The following NRXN1 variants were observed in gnomAD, a reference collection of about 807,000 sequenced individuals.
NRXN1 encodes neurexin 1.
Under a neutral mutation model 150.9 loss-of-function variants are expected in NRXN1, and 39 were observed. The observed-to-expected ratio is 0.26, with a 90% confidence interval of 0.20 to 0.34. The LOEUF is 0.34. NRXN1 is among the 10% of genes least tolerant of loss of function. The pLI is 1.00. For missense variants in NRXN1, 1,815 were observed against 1,949.9 expected (o/e 0.93, Z 1.30); for synonymous variants, 924 against 757.0 (o/e 1.22, Z -3.62).
chr2:50,910,469 T>A (rs1356160616), intron 5 of NRXN1, among the ~76,000 whole-genome samples: 1 of 151,992 alleles, frequency 6.6e-6, no homozygotes, highest in African/African-American at 2.4e-5. Context: ...ACACAGCAGA[T>A]ACATCATGAA....
chr2:50,113,931 G>T lies in NRXN1; in HGVS notation c.3547-22437C>A, dbSNP rs116378304. 7.0e-3 allele frequency among the ~76,000 whole-genome samples: 1,073 copies of T among 152,210 alleles called. 12 individuals are homozygous for T. The highest frequency in any genetic ancestry group is 0.011 in the Non-Finnish European group (737 of 67,986). On this transcript the variant is annotated intron_variant, in intron 18 of 22. Coordinates refer to ENST00000401669, the MANE Select transcript of NRXN1 (RefSeq NM_001330078.2). ...TCTATGTACACAGGAGACTATGTGG[G>T]ATGCTATAGAAGATACAAAACAAAC...
At position 49,987,759 on chromosome 2, in the gene NRXN1, G is replaced by GT. The variant is rs143744994; in HGVS notation, c.4129-43969dup. 7.5e-3 allele frequency among the ~76,000 whole-genome samples: 1,091 copies of GT among 145,440 alleles called. 10 individuals carry two copies. The highest frequency in any genetic ancestry group is 0.011 in the Non-Finnish European group (695 of 66,022). The stretch of plus-strand genomic sequence containing the variant: ...ATAAATTTATTCTAGATGAAACAAC[G>GT]TTTTTTTTTTTTTGACTCAGCTGTG... On this transcript the variant is annotated intron_variant, in intron 21 of 22. Transcript: ENST00000401669.
intron 2 of NRXN1, among the ~76,000 whole-genome samples, chr2:50,946,170 C>T (rs551412144): frequency 1.5e-4 from 23 of 152,104 alleles, no homozygotes; most frequent in African/African-American, 5.5e-4. Context: ...GTACACTAGT[C>T]ATGAGAGATG....
At chr2:50,472,495 T>C (rs2089589336) in intron 15 of NRXN1, 24 bp from the exon 16 acceptor site, 1 of 1,595,780 alleles carries the variant, frequency 6.3e-7, no homozygotes, top group South Asian at 1.1e-5. Flanking sequence ...AAAGTCTTTG[T>C]TACAAAAGTA....
At chr2:50,453,373 T>C (rs2087190890) in intron 17 of NRXN1, among the ~76,000 whole-genome samples, 1 of 152,222 alleles carries the variant, frequency 6.6e-6, no homozygotes, top group Non-Finnish European at 1.5e-5. Flanking sequence ...TGGGAATGAC[T>C]AATCTAGTCA....
At chr2:50,984,876 A>G (rs1697440552) in intron 2 of NRXN1, among the ~76,000 whole-genome samples, 1 of 151,932 alleles carries the variant, frequency 6.6e-6, no homozygotes, top group African/African-American at 2.4e-5. Context: ...ATTTAGATCT[A>G]AAAAAAATTA....
rs555295195 is a variant in NRXN1, at chr2:50,942,297, T to C, written c.773-16342A>G. On this transcript the variant is annotated intron_variant, in intron 2 of 22. Transcript: ENST00000401669. ...ACATGGAGAACCTCTACTAGGGCAATGCAGAGAGGAAATATGGGGTTGGAG... is the reference window on the plus strand; with the variant it reads ...ACATGGAGAACCTCTACTAGGGCAACGCAGAGAGGAAATATGGGGTTGGAG... Among the ~76,000 whole-genome samples the C allele has an allele frequency of 2.6e-5, 4 of 152,262 alleles. No individual in the cohort carries two copies. The South Asian group carries it at 8.3e-4, about 32-fold the overall frequency.
rs542094416 is a variant in NRXN1 at position 50,899,426 on chromosome 2, T to G, written c.832+22443A>C. Among the ~76,000 whole-genome samples, 10 of 152,258 alleles carry G rather than the reference T, an allele frequency of 6.6e-5. No individual in the cohort carries two copies. The South Asian group carries it at 2.1e-3, about 32-fold the overall frequency. On this transcript the variant is annotated intron_variant, in intron 5 of 22. Coordinates refer to ENST00000401669, the MANE Select transcript of NRXN1 (RefSeq NM_001330078.2). ...CCCACTACACTGTGTTTATTCAATT[T>G]TAGGGACACCCTCTGCCACATTAGA...
At chr2:50,143,428 G>A (rs1188560403) in intron 18 of NRXN1, among the ~76,000 whole-genome samples, 1 of 151,900 alleles carries the variant, frequency 6.6e-6, no homozygotes, top group Non-Finnish European at 1.5e-5. Context: ...AGGGAATTTA[G>A]AGACACTCTT....
At chr2:50,883,752 A>T (rs1174122039) in intron 5 of NRXN1, among the ~76,000 whole-genome samples, 1 of 151,882 alleles carries the variant, frequency 6.6e-6, no homozygotes, top group Non-Finnish European at 1.5e-5. Flanking sequence ...AAACAATAGA[A>T]TACTATACCA....
At chr2:49,953,718 G>A (rs1041842630) in intron 21 of NRXN1, among the ~76,000 whole-genome samples, 7 of 151,940 alleles carry the variant, frequency 4.6e-5, no homozygotes, top group African/African-American at 1.7e-4. Context: ...CTCACAGGAT[G>A]TTAAGGGAGT....
At chr2:50,197,500 C>T (rs976099922) in intron 18 of NRXN1, among the ~76,000 whole-genome samples, 7 of 152,092 alleles carry the variant, frequency 4.6e-5, no homozygotes, top group African/African-American at 1.7e-4. Flanking sequence ...TTGATGTCTA[C>T]GTTACAGAGA....
At chr2:50,365,081 A>G (rs2079493934) in intron 17 of NRXN1, among the ~76,000 whole-genome samples, 1 of 152,126 alleles carries the variant, frequency 6.6e-6, no homozygotes, top group African/African-American at 2.4e-5. Context: ...TTAGCTTAAC[A>G]GGGAAGAATT....
intron 17 of NRXN1, among the ~76,000 whole-genome samples, chr2:50,416,336 G>A (rs2083538009): frequency 6.6e-6 from 1 of 151,990 alleles, no homozygotes; most frequent in African/African-American, 2.4e-5. Flanking sequence ...AGAACAAAAT[G>A]CGCAAAGAAA....
At chr2:50,375,408 G>A (rs1286460303) in intron 17 of NRXN1, among the ~76,000 whole-genome samples, 1 of 149,256 alleles carries the variant, frequency 6.7e-6, no homozygotes, top group East Asian at 2.0e-4. Context: ...TATAGATGAA[G>A]AAGCTGATTC....
chr2:49,977,183 T>A (rs1292543106), intron 21 of NRXN1, among the ~76,000 whole-genome samples: 2 of 152,168 alleles, frequency 1.3e-5, no homozygotes, highest in Non-Finnish European at 2.9e-5. Flanking sequence ...TTGGCCAAAT[T>A]AAGTCAAAGA....
chr2:50,329,519 T>C (rs115027204), intron 17 of NRXN1, among the ~76,000 whole-genome samples: 3,015 of 145,624 alleles, frequency 0.021, 98 homozygotes, highest in African/African-American at 0.073. Context: ...ACCTTCTAAC[T>C]CATTTCCACA....
At chr2:50,648,887 C>A (rs1685191508) in intron 5 of NRXN1, among the ~76,000 whole-genome samples, 1 of 152,048 alleles carries the variant, frequency 6.6e-6, no homozygotes, top group East Asian at 1.9e-4. Flanking sequence ...CCATCTTTGC[C>A]TTTGGTTGCT....
chr2:50,536,822 T>C (rs1340058918), intron 10 of NRXN1, among the ~76,000 whole-genome samples: 1 of 152,166 alleles, frequency 6.6e-6, no homozygotes. Flanking sequence ...AGGAAACTTA[T>C]AAAGAATATA....
Sources: allele counts gnomAD v4.1 joint callset (sites outside exome capture counted in the v4.1 genomes callset), GRCh38; gene constraint gnomAD v4.1.1; transcripts MANE v1.5; gene names NCBI Gene and HGNC (gene_info 2026-07-23, HGNC 2026-07-21).